Variants in ST6GALNAC5 observed in about 807,000 individuals in gnomAD.
ST6GALNAC5 encodes the protein ST6 N-acetylgalactosaminide alpha-2,6-sialyltransferase 5.
Under a neutral mutation model 33.6 loss-of-function variants are expected in ST6GALNAC5, and 27 were observed. That is an observed-to-expected ratio of 0.80 (90% CI 0.59 to 1.11). The LOEUF (loss-of-function observed/expected upper bound fraction) is 1.11, where lower values mean the gene tolerates loss of function less well. Ranked by LOEUF, ST6GALNAC5 falls within the 50% of genes least tolerant of loss-of-function variation. The probability of loss-of-function intolerance (pLI) is 0.00; values close to 1 mark genes in which losing one functional copy is unlikely to be tolerated. For missense variants in ST6GALNAC5, 428 were observed against 454.0 expected, an observed-to-expected ratio of 0.94 and a Z score of 0.52; for synonymous variants, 194 against 171.2, an observed-to-expected ratio of 1.13 and a Z score of -1.04.
intron 2 of ST6GALNAC5, among the ~76,000 whole-genome samples, chr1:76,905,395 T>C (rs1214857020): frequency 6.6e-6 from 1 of 152,168 alleles, no homozygotes; most frequent in African/African-American, 2.4e-5. Flanking sequence ...ATTGTGGTCA[T>C]TCCCTGCTGC....
chr1:76,914,145 C>A (rs1448480509), intron 2 of ST6GALNAC5, among the ~76,000 whole-genome samples: 1 of 152,034 alleles, frequency 6.6e-6, no homozygotes, highest in African/African-American at 2.4e-5. Flanking sequence ...ACATGAAGGA[C>A]CTCTTCAAGG....
chr1:77,041,322 G>A (rs1651823608), intron 2 of ST6GALNAC5, among the ~76,000 whole-genome samples: 1 of 152,118 alleles, frequency 6.6e-6, no homozygotes. Context: ...GTTCTGTCAT[G>A]GTTTGTCTGG....
chr1:76,987,782 T>C (rs1200882754), intron 2 of ST6GALNAC5, among the ~76,000 whole-genome samples: 1 of 152,172 alleles, frequency 6.6e-6, no homozygotes, highest in African/African-American at 2.4e-5. Context: ...TACTTGATGC[T>C]TTTGCCTCAC....
At chr1:76,962,025 G>A (rs1199716820) in intron 2 of ST6GALNAC5, among the ~76,000 whole-genome samples, 1 of 152,196 alleles carries the variant, frequency 6.6e-6, no homozygotes, top group Non-Finnish European at 1.5e-5. Flanking sequence ...AGCAACTGGT[G>A]AGGGCTAAAT....
At chr1:77,039,886 C>T (rs1034424571) in intron 2 of ST6GALNAC5, among the ~76,000 whole-genome samples, 3 of 152,188 alleles carry the variant, frequency 2.0e-5, no homozygotes, top group African/African-American at 7.2e-5. Context: ...TCTCCCAGGC[C>T]GACGGGCAGA....
chr1:76,876,952 A>C (rs1235192498), intron 2 of ST6GALNAC5, among the ~76,000 whole-genome samples: 1 of 152,168 alleles, frequency 6.6e-6, no homozygotes, highest in Non-Finnish European at 1.5e-5. Context: ...CCACTTCCTC[A>C]TGTAACTAAC....
intron 4 of ST6GALNAC5, among the ~76,000 whole-genome samples, chr1:77,059,227 A>G (rs892760362): frequency 1.3e-5 from 2 of 152,226 alleles, no homozygotes; most frequent in Non-Finnish European, 2.9e-5. Context: ...GCTCAGCTAA[A>G]CTACAGGCAT....
chr1:77,059,890 A>C (rs549340161), intron 4 of ST6GALNAC5, among the ~76,000 whole-genome samples: 1 of 152,008 alleles, frequency 6.6e-6, no homozygotes, highest in Non-Finnish European at 1.5e-5. Context: ...TCATGGACTC[A>C]TGGATATTTA....
At position 77,067,158 on chromosome 1, in the gene ST6GALNAC5, TG is replaced by T. The variant is rs3833438; in HGVS notation, c.*3958del. On this transcript the variant is annotated 3_prime_UTR_variant, in exon 5 of 5. Coordinates refer to ENST00000477717, the MANE Select transcript of ST6GALNAC5 (RefSeq NM_030965.3). The stretch of plus-strand genomic sequence containing the variant: ...CAAAGAGAACTATAATAATAAGCCC[TG>T]GGGGGCAGGATGTGTGAACCAATTG... Among the ~76,000 whole-genome samples, 1 of 151,856 alleles carries T rather than the reference TG, an allele frequency of 6.6e-6. No homozygotes were observed. The highest frequency in any genetic ancestry group is 2.4e-5 in the African/African-American group (1 of 41,304).
At chr1:76,869,705 A>G (rs150643876) in intron 2 of ST6GALNAC5, among the ~76,000 whole-genome samples, 3 of 152,344 alleles carry the variant, frequency 2.0e-5, no homozygotes, top group East Asian at 1.9e-4. Flanking sequence ...CCATGCGTGA[A>G]AAAGCCAAAC....
At chr1:76,914,189 A>G (rs1457104002) in intron 2 of ST6GALNAC5, among the ~76,000 whole-genome samples, 1 of 152,198 alleles carries the variant, frequency 6.6e-6, no homozygotes, top group Non-Finnish European at 1.5e-5. Context: ...GAAATCAAAG[A>G]GGATACAAAC....
Position 77,066,619 on chromosome 1 carries a change from A to G in ST6GALNAC5, c.*3413A>G, listed in dbSNP as rs1652787968. Among the ~76,000 whole-genome samples the G allele has an allele frequency of 1.3e-5, 2 of 152,342 alleles. No homozygotes were observed. Among genetic ancestry groups the G allele is most frequent in the South Asian group, 2.1e-4 (1 of 4,828 alleles). On this transcript the variant is annotated 3_prime_UTR_variant, in exon 5 of 5. Coordinates refer to ENST00000477717, the MANE Select transcript of ST6GALNAC5 (RefSeq NM_030965.3). ...AAGAGCAAACTCATTTCAGAAATAT[A>G]TCCTGAATTCCACCAGGGTGATGGT...
At chr1:76,977,053 G>C (rs529190417) in intron 2 of ST6GALNAC5, among the ~76,000 whole-genome samples, 2 of 152,162 alleles carry the variant, frequency 1.3e-5, no homozygotes, top group Admixed American at 6.5e-5. Context: ...TAAGGTTCTA[G>C]CACATCTATT....
intron 2 of ST6GALNAC5, among the ~76,000 whole-genome samples, chr1:77,014,476 C>T (rs1304086425): frequency 6.6e-6 from 1 of 152,134 alleles, no homozygotes; most frequent in East Asian, 1.9e-4. Flanking sequence ...CCACCCAGGC[C>T]CTGCCCAGGA....
At position 76,978,014 on chromosome 1, in the gene ST6GALNAC5, G is replaced by A. The variant is rs551956055; in HGVS notation, c.262-66190G>A. 6.6e-4 allele frequency among the ~76,000 whole-genome samples: 100 copies of A among 152,014 alleles called. 1 individual carries two copies. Among genetic ancestry groups the A allele is most frequent in the South Asian group, 2.1e-3 (10 of 4,808 alleles). The stretch of plus-strand genomic sequence containing the variant: ...ATTTTTTATCTTTTTGATAACAGCC[G>A]TTCTGACTAGGGTGAGGTAATAGCT... On this transcript the variant is annotated intron_variant, in intron 2 of 4. Transcript: ENST00000477717.
At chr1:76,911,339 G>T (rs1250566300) in intron 2 of ST6GALNAC5, among the ~76,000 whole-genome samples, 1 of 152,054 alleles carries the variant, frequency 6.6e-6, no homozygotes, top group Non-Finnish European at 1.5e-5. Context: ...GCTGGATTTG[G>T]TTTGCCAGTA....
chr1:76,975,873 T>C (rs1049358873), intron 2 of ST6GALNAC5, among the ~76,000 whole-genome samples: 4 of 152,172 alleles, frequency 2.6e-5, no homozygotes, highest in African/African-American at 9.7e-5. Context: ...GATGGGCAGA[T>C]TGCTTGAGCT....
At chr1:77,006,368 C>T (rs1430025770) in intron 2 of ST6GALNAC5, among the ~76,000 whole-genome samples, 4 of 148,778 alleles carry the variant, frequency 2.7e-5, no homozygotes, top group Admixed American at 6.7e-5. Context: ...CACTCTGTCA[C>T]CCAGGTGTGA....
chr1:76,992,654 C>T (rs1445226395), intron 2 of ST6GALNAC5, among the ~76,000 whole-genome samples: 3 of 152,072 alleles, frequency 2.0e-5, no homozygotes, highest in Non-Finnish European at 2.9e-5. Context: ...GCCACCATGC[C>T]CAGCTAATTT....
Sources: gnomAD v4.1 joint callset for allele counts (sites outside exome capture counted in the v4.1 genomes callset) on GRCh38, gnomAD v4.1.1 for gene constraint, MANE v1.5 for transcripts, NCBI Gene and HGNC (gene_info 2026-07-23, HGNC 2026-07-21) for gene names.